The following RHOBTB1 variants were observed in gnomAD, a reference collection of about 807,000 sequenced individuals.
The protein encoded by RHOBTB1 is rho-related BTB domain-containing protein 1.
Under a neutral mutation model 71.6 loss-of-function variants are expected in RHOBTB1, and 40 were observed. The ratio of observed to expected loss-of-function variants is 0.56; its 90% CI spans 0.43 to 0.73. RHOBTB1 has a LOEUF of 0.73. RHOBTB1 is among the 30% of genes least tolerant of loss of function. The probability of loss-of-function intolerance (pLI) is 0.00; values close to 1 mark genes in which losing one functional copy is unlikely to be tolerated. For missense variants in RHOBTB1, 797 were observed against 894.0 expected (o/e 0.89, Z 1.38); for synonymous variants, 319 against 334.9 (o/e 0.95, Z 0.52).
Position 60,888,963 on chromosome 10 carries a change from A to C in RHOBTB1, c.705T>G (p.Pro235=). 1 of 1,613,994 alleles carries C rather than the reference A, an allele frequency of 6.2e-7. No homozygotes were observed. Among genetic ancestry groups the C allele is most frequent in the African/African-American group, 1.3e-5 (1 of 74,966 alleles). Residue 235 remains proline, a synonymous_variant, in exon 6 of 11, where the codon CCT becomes CCG. Transcript: ENST00000337910. ...QKPLLQAPFL[P]PKAPPPVIKI... is the part of the protein sequence containing the mutation. ...TGATGACCGGTGGAGGGGCTTTTGG[A>C]GGTAGGAAGGGTGCCTGAAGTAAAG...
intron 2 of RHOBTB1, among the ~76,000 whole-genome samples, chr10:60,915,918 A>G (rs2083248408): frequency 1.3e-5 from 2 of 152,044 alleles, no homozygotes; most frequent in Admixed American, 1.3e-4. Context: ...ACCACATTTT[A>G]CTTGAGCCAT....
chr10:60,938,198 A>G (rs1325284673), intron 2 of RHOBTB1, among the ~76,000 whole-genome samples: 2 of 152,226 alleles, frequency 1.3e-5, no homozygotes, highest in Non-Finnish European at 2.9e-5. Flanking sequence ...AGTACCCACC[A>G]TATCTTTGCA....
intron 1 of RHOBTB1, among the ~76,000 whole-genome samples, chr10:60,995,847 A>T (rs945839917): frequency 2.1e-5 from 3 of 145,798 alleles, no homozygotes; most frequent in Non-Finnish European, 4.6e-5. Flanking sequence ...CCCCCAAGAT[A>T]AAAAAAAAAA....
chr10:61,001,832 G>A (rs2087291777), upstream of RHOBTB1, among the ~76,000 whole-genome samples: 8 of 152,222 alleles, frequency 5.3e-5, no homozygotes, highest in Admixed American at 5.2e-4. Context: ...AGGGCCCGAG[G>A]GGCCGCCCTT....
At chr10:60,977,352 C>T (rs1403032159) in intron 2 of RHOBTB1, among the ~76,000 whole-genome samples, 1 of 151,860 alleles carries the variant, frequency 6.6e-6, no homozygotes, top group Admixed American at 6.6e-5. Context: ...ATTTATGAAA[C>T]CTTAACATGT....
intron 2 of RHOBTB1, among the ~76,000 whole-genome samples, chr10:60,984,742 G>A (rs925548485): frequency 1.3e-5 from 2 of 152,176 alleles, no homozygotes; most frequent in Admixed American, 6.5e-5. Context: ...ATTTGTTCAT[G>A]AGCTGGGTGG....
intron 4 of RHOBTB1, 54 bp from the exon 5 acceptor site, chr10:60,893,049 T>C (rs1019856907): frequency 1.4e-6 from 2 of 1,401,452 alleles, no homozygotes; most frequent in Non-Finnish European, 2.0e-6. Context: ...GTTTTTTCTT[T>C]TACCATTATG....
intron 2 of RHOBTB1, among the ~76,000 whole-genome samples, chr10:60,921,329 A>G (rs1423537181): frequency 6.6e-6 from 1 of 152,148 alleles, no homozygotes; most frequent in Non-Finnish European, 1.5e-5. Context: ...CAGGGGTGCA[A>G]TGGCAGAGGA....
intron 1 of RHOBTB1, 70 bp downstream of exon 1, chr10:60,943,901 G>A (rs1396934452): frequency 6.6e-6 from 1 of 152,232 alleles, no homozygotes; most frequent in Non-Finnish European, 1.5e-5. Flanking sequence ...TGGGGCCGGG[G>A]CGGTGGGGGC....
At chr10:60,987,728 G>T (rs1315120749) in intron 1 of RHOBTB1, among the ~76,000 whole-genome samples, 1 of 151,900 alleles carries the variant, frequency 6.6e-6, no homozygotes, top group East Asian at 1.9e-4. Flanking sequence ...GACCTCAACA[G>T]GATAAACTTT....
upstream of RHOBTB1, among the ~76,000 whole-genome samples, chr10:60,946,232 A>G (rs955807500): frequency 3.3e-5 from 5 of 152,094 alleles, no homozygotes; most frequent in South Asian, 2.1e-4. Context: ...AAATGACTCC[A>G]TCTTGAAAGC....
chr10:60,954,165 C>T (rs557336435), intron 2 of RHOBTB1, among the ~76,000 whole-genome samples: 6 of 152,156 alleles, frequency 3.9e-5, no homozygotes, highest in South Asian at 2.1e-4. Context: ...AAGTAGAAAA[C>T]GCCTCAAGCC....
intron 4 of RHOBTB1, among the ~76,000 whole-genome samples, chr10:60,896,376 T>G (rs2082161958): frequency 6.6e-6 from 1 of 152,298 alleles, no homozygotes; most frequent in East Asian, 1.9e-4. Flanking sequence ...GGCAGTAGGG[T>G]TAGTCTAGAA....
At chr10:60,926,509 A>G (rs1444195355) in intron 2 of RHOBTB1, among the ~76,000 whole-genome samples, 3 of 152,176 alleles carry the variant, frequency 2.0e-5, no homozygotes, top group African/African-American at 4.8e-5. Context: ...AAATTCAACA[A>G]CACACTAAAA....
chr10:60,908,912 C>T lies in RHOBTB1; in HGVS notation c.296+1975G>A, dbSNP rs570676550. 4.6e-5 allele frequency among the ~76,000 whole-genome samples: 7 copies of T among 152,254 alleles called. No homozygotes were observed. In the South Asian group the frequency reaches 1.5e-3, roughly 32 times the overall value. On this transcript the variant is annotated intron_variant, in intron 4 of 10. Transcript: ENST00000337910. ...AGAAACACAGGAGTGTTCCTGAAGC[C>T]CCTCAATGTTGCTCAGAGAATCAAA...
chr10:60,924,611 A>C (rs1275398948), intron 2 of RHOBTB1, among the ~76,000 whole-genome samples: 1 of 152,200 alleles, frequency 6.6e-6, no homozygotes, highest in African/African-American at 2.4e-5. Flanking sequence ...CCAAGAAAAA[A>C]ACATCAGACT....
chr10:60,862,143 C>T, the RHOBTB1 span, among the ~76,000 whole-genome samples: 31 of 143,802 alleles, frequency 2.2e-4, no homozygotes, highest in African/African-American at 7.8e-4. Flanking sequence ...TTCTCTCTCT[C>T]TCTTTCTTTT....
chr10:60,939,461 G>C (rs1041977350), intron 2 of RHOBTB1, among the ~76,000 whole-genome samples: 4 of 152,134 alleles, frequency 2.6e-5, no homozygotes, highest in Non-Finnish European at 5.9e-5. Context: ...ACTGCCTCTT[G>C]ACCCTTCCCT....
chr10:60,944,863 G>T (rs558100840), upstream of RHOBTB1, among the ~76,000 whole-genome samples: 4 of 152,192 alleles, frequency 2.6e-5, no homozygotes, highest in Non-Finnish European at 4.4e-5. Flanking sequence ...CCCCCAGGGG[G>T]CGTAGGGACG....
Sources: allele counts gnomAD v4.1 joint callset (sites outside exome capture counted in the v4.1 genomes callset), GRCh38; gene constraint gnomAD v4.1.1; transcripts MANE v1.5; gene names NCBI Gene and HGNC (gene_info 2026-07-23, HGNC 2026-07-21).